The following RARB variants were observed in gnomAD, a reference collection of about 807,000 sequenced individuals.
The protein encoded by RARB is HBV-activated protein.
RARB carries 17 observed loss-of-function variants against 51.9 expected under a neutral mutation model. That is an observed-to-expected ratio of 0.33 (90% confidence interval 0.22 to 0.49). The LOEUF (loss-of-function observed/expected upper bound fraction) is 0.49, where lower values mean the gene tolerates loss of function less well. Ranked by LOEUF, RARB falls within the 20% of genes least tolerant of loss-of-function variation. The probability of loss-of-function intolerance (pLI) is 0.99; values close to 1 mark genes in which losing one functional copy is unlikely to be tolerated. For missense variants in RARB, 369 were observed against 550.8 expected (o/e 0.67, Z 3.30); for synonymous variants, 215 against 195.4 (o/e 1.10, Z -0.84).
intron 5 of RARB, among the ~76,000 whole-genome samples, chr3:25,232,973 C>CTTTTTTTTTTT (rs71061205): frequency 3.4e-5 from 4 of 118,770 alleles, no homozygotes; most frequent in Non-Finnish European, 3.5e-5. Context: ...TTTTCTTTTT[C>CTTTTTTTTTTT]TTTTTTTTTT....
chr3:25,014,202 C>T (rs566393633), intron 2 of RARB, among the ~76,000 whole-genome samples: 1 of 152,222 alleles, frequency 6.6e-6, no homozygotes, highest in East Asian at 1.9e-4. Context: ...TGCAATATAA[C>T]TATGTCTCTT....
In RARB at chr3:25,569,771, C is replaced by T; in HGVS notation, c.462C>T (p.Asp154=). Residue 154 remains aspartate (D), a synonymous_variant, in exon 4 of 8, where the codon GAC becomes GAT. Coordinates refer to ENST00000330688, the MANE Select transcript of RARB (RefSeq NM_000965.5). ...VGMSKESVRN[D]RNKKKKETSK... is the part of the protein sequence containing the mutation. ...TCTCGTTTCCAGCTGTCAGGAATGA[C>T]AGGAACAAGAAAAAGAAGGAGACTT... 6.2e-7 allele frequency: 1 copy of T among 1,613,796 alleles called. No individual in the cohort carries two copies. The highest frequency in any genetic ancestry group is 8.5e-7 in the Non-Finnish European group (1 of 1,179,896).
At position 25,273,085 on chromosome 3, in the gene RARB, A is replaced by G. The variant is rs191398299; in HGVS notation, c.178+98510A>G. ...CAAGCACATAGATAGCCCTGAGCCT[A>G]CACAAATAGCCCCAAGCTTCCTCAA... On this transcript the variant is annotated intron_variant, in intron 5 of 11. Transcript: ENST00000383772. Among the ~76,000 whole-genome samples the G allele has an allele frequency of 1.1e-3, 166 of 152,278 alleles. 1 individual carries two copies. The highest frequency in any genetic ancestry group is 8.9e-3 in the Admixed American group (136 of 15,288).
chr3:24,938,066 G>A (rs1695582827), intron 2 of RARB, among the ~76,000 whole-genome samples: 1 of 152,102 alleles, frequency 6.6e-6, no homozygotes, highest in East Asian at 1.9e-4. Context: ...TTAATGATTT[G>A]CATGGTGGTG....
At chr3:25,069,543 G>A (rs1256178955) in intron 3 of RARB, among the ~76,000 whole-genome samples, 3 of 152,164 alleles carry the variant, frequency 2.0e-5, no homozygotes, top group South Asian at 2.1e-4. Flanking sequence ...TTCCCAGAGT[G>A]ATCTTGTTCC....
chr3:24,887,595 T>C (rs186589111), intron 2 of RARB, among the ~76,000 whole-genome samples: 47 of 152,360 alleles, frequency 3.1e-4, no homozygotes, highest in Admixed American at 2.4e-3. Flanking sequence ...TTACACTTAC[T>C]GTAATGAAAG....
intron 5 of RARB, among the ~76,000 whole-genome samples, chr3:25,400,018 G>T (rs1025788796): frequency 6.6e-6 from 1 of 152,198 alleles, no homozygotes; most frequent in African/African-American, 2.4e-5. Flanking sequence ...CTCCTAAAGA[G>T]TTAATGAGGT....
intron 2 of RARB, among the ~76,000 whole-genome samples, chr3:25,472,033 G>C (rs1004216335): frequency 6.6e-6 from 1 of 152,142 alleles, no homozygotes; most frequent in African/African-American, 2.4e-5. Flanking sequence ...TAAAACCATG[G>C]AAATAATAAA....
At position 25,590,416 on chromosome 3, in the gene RARB, C is replaced by T. The variant is rs375539774; in HGVS notation, c.787-3087C>T. On this transcript the variant is annotated intron_variant, in intron 5 of 7. Transcript: ENST00000330688. ...CAGATCTCATGCATTCATTTCTTGG[C>T]GGCATGTTAAAGCTGCAAAGATTTA... 6.6e-5 allele frequency among the ~76,000 whole-genome samples: 10 copies of T among 152,194 alleles called. No homozygotes were observed. The East Asian group carries it at 1.5e-3, about 23-fold the overall frequency.
intron 2 of RARB, among the ~76,000 whole-genome samples, chr3:24,870,631 G>T (rs1286881492): frequency 3.9e-5 from 6 of 151,976 alleles, no homozygotes; most frequent in Non-Finnish European, 7.4e-5. Flanking sequence ...GCATTTTGGG[G>T]ATCATATTAT....
At chr3:25,521,905 T>G (rs370357665) in intron 3 of RARB, among the ~76,000 whole-genome samples, 13 of 152,144 alleles carry the variant, frequency 8.5e-5, no homozygotes, top group African/African-American at 2.7e-4. Context: ...TAATTCGTAC[T>G]GTGCTCTGCT....
At chr3:25,377,749 G>A (rs746381379) in intron 5 of RARB, among the ~76,000 whole-genome samples, 3 of 152,168 alleles carry the variant, frequency 2.0e-5, no homozygotes, top group Non-Finnish European at 4.4e-5. Context: ...AGTTACCCGT[G>A]AGAGAATTTG....
At chr3:25,322,460 T>C (rs971112656) in intron 5 of RARB, among the ~76,000 whole-genome samples, 1 of 152,216 alleles carries the variant, frequency 6.6e-6, no homozygotes, top group East Asian at 1.9e-4. Context: ...ATTTTCTTAC[T>C]GGCCAAGTAC....
intron 2 of RARB, among the ~76,000 whole-genome samples, chr3:24,931,798 T>G (rs1223442393): frequency 6.6e-6 from 1 of 152,038 alleles, no homozygotes; most frequent in Non-Finnish European, 1.5e-5. Context: ...CAGGGCAAAC[T>G]TGCTAGCAAA....
intron 2 of RARB, among the ~76,000 whole-genome samples, chr3:24,909,822 TG>T (rs1694949681): frequency 6.6e-6 from 1 of 152,168 alleles, no homozygotes; most frequent in Non-Finnish European, 1.5e-5. Flanking sequence ...GATGTCTGAT[TG>T]TGTAGGGCAT....
chr3:25,481,825 A>C (rs1446810004), intron 2 of RARB, among the ~76,000 whole-genome samples: 2 of 152,260 alleles, frequency 1.3e-5, no homozygotes, highest in Non-Finnish European at 1.5e-5. Flanking sequence ...AGTAAAGACT[A>C]GTAATCATAA....
At chr3:25,150,784 G>C (rs1447979930) in intron 4 of RARB, among the ~76,000 whole-genome samples, 1 of 152,142 alleles carries the variant, frequency 6.6e-6, no homozygotes, top group African/African-American at 2.4e-5. Context: ...CAGAAACAAA[G>C]AATCCAGCCT....
chr3:24,874,950 A>T (rs1703013285), intron 2 of RARB, among the ~76,000 whole-genome samples: 1 of 152,104 alleles, frequency 6.6e-6, no homozygotes, highest in South Asian at 2.1e-4. Flanking sequence ...AGAAATAGAC[A>T]ATTATGCCTA....
At chr3:25,370,537 A>C (rs1485613665) in intron 5 of RARB, among the ~76,000 whole-genome samples, 1 of 152,174 alleles carries the variant, frequency 6.6e-6, no homozygotes, top group African/African-American at 2.4e-5. Flanking sequence ...CCGCTTAAAT[A>C]TGAGAGAGGA....
Sources: gnomAD v4.1 joint callset for allele counts (sites outside exome capture counted in the v4.1 genomes callset) on GRCh38, gnomAD v4.1.1 for gene constraint, MANE v1.5 for transcripts, NCBI Gene and HGNC (gene_info 2026-07-23, HGNC 2026-07-21) for gene names.